The following ITGA7 variants were observed in gnomAD, a reference collection of about 807,000 sequenced individuals.
ITGA7 encodes the protein integrin subunit alpha 7, also known as integrin alpha-7.
A neutral mutation model predicts 131.6 loss-of-function variants in ITGA7; 84 were observed. That is an observed-to-expected ratio of 0.64 (90% CI 0.54 to 0.77). The LOEUF is 0.77. Among genes scored for constraint, ITGA7 ranks in the 30% least tolerant of loss-of-function variants. The pLI is 0.00. For missense variants in ITGA7, 1,399 were observed against 1,482.9 expected (o/e 0.94, Z 0.93); for synonymous variants, 548 against 600.7 (o/e 0.91, Z 1.28).
intron 24 of ITGA7, among the ~76,000 whole-genome samples, chr12:55,686,572 G>A (rs888901368): frequency 4.6e-5 from 7 of 152,200 alleles, no homozygotes; most frequent in Non-Finnish European, 7.3e-5. Flanking sequence ...CCAAAGAGCA[G>A]GCACAGGCAG....
rs141164096 is a variant in ITGA7, at chr12:55,698,868, G to A, written c.840C>T (p.Ser280=). 6.2e-7 allele frequency: 1 copy of A among 1,613,840 alleles called. No individual in the cohort carries two copies. The highest frequency in any genetic ancestry group is 2.2e-5 in the East Asian group (1 of 44,892). Reference sequence around the variant, plus strand: ...TGGCGCGGGGGGCTCCAGCCACAAAGCTCAGCTCTTCTGCACGCACCAGAC... The same window carrying A: ...TGGCGCGGGGGGCTCCAGCCACAAAACTCAGCTCTTCTGCACGCACCAGAC... ...GKGLVRAEEL[S]FVAGAPRANH... The change falls in exon 6 of 25, where the codon AGC becomes AGT. Residue 280 remains serine, a synonymous_variant. Transcript: ENST00000257879.
chr12:55,690,183 C>G (rs1216086641), intron 21 of ITGA7, among the ~76,000 whole-genome samples: 1 of 152,116 alleles, frequency 6.6e-6, no homozygotes, highest in Non-Finnish European at 1.5e-5. Context: ...AGTGAACAGG[C>G]AACCTACAAA....
intron 19 of ITGA7, among the ~76,000 whole-genome samples, chr12:55,693,753 G>C (rs1320739844): frequency 6.6e-6 from 1 of 151,946 alleles, no homozygotes; most frequent in Admixed American, 6.6e-5. Flanking sequence ...CCATCCCCCA[G>C]CTGAGGCCCA....
intron 24 of ITGA7, 55 bp from the exon 25 acceptor site, chr12:55,685,343 G>C: frequency 6.6e-7 from 1 of 1,514,292 alleles, no homozygotes; most frequent in Non-Finnish European, 9.1e-7. Context: ...GGTCCCTGGA[G>C]CAGATGCCTA....
chr12:55,695,975 T>C (rs1872547784), intron 13 of ITGA7, among the ~76,000 whole-genome samples: 1 of 152,070 alleles, frequency 6.6e-6, no homozygotes, highest in Non-Finnish European at 1.5e-5. Context: ...ATAAAAACCA[T>C]GCAAGCAAGG....
At chr12:55,707,111 G>C (rs941063507) in intron 1 of ITGA7, among the ~76,000 whole-genome samples, 1 of 152,198 alleles carries the variant, frequency 6.6e-6, no homozygotes, top group Admixed American at 6.5e-5. Flanking sequence ...ATTCTAAGCA[G>C]AGACAGACAG....
chr12:55,699,996 G>A lies in ITGA7; in HGVS notation c.671-7C>T, dbSNP rs1416156191. On this transcript the variant is annotated splice_region_variant and splice_polypyrimidine_tract_variant and intron_variant, in intron 4 of 24. Coordinates refer to ENST00000257879, the MANE Select transcript of ITGA7 (RefSeq NM_002206.3). ...TTGGTCACAAAAAGCAACCCTGTGG[G>A]GGGTGGGGTGAGACACCAGGGAGGG... 2 of 1,614,052 alleles carry A rather than the reference G, an allele frequency of 1.2e-6. No homozygotes were observed. Among genetic ancestry groups the A allele is most frequent in the African/African-American group, 1.3e-5 (1 of 75,024 alleles).
intron 11 of ITGA7, 73 bp downstream of exon 11, chr12:55,697,143 T>C: frequency 6.3e-7 from 1 of 1,579,208 alleles, no homozygotes. Context: ...AGGGTGCTCT[T>C]CTACCACCTC....
rs1875559285 is a variant in ITGA7, at chr12:55,707,805, A to C, written c.-123T>G. 39 of 1,496,972 alleles carry C rather than the reference A, an allele frequency of 2.6e-5. No homozygotes were observed. Among genetic ancestry groups the C allele is most frequent in the Non-Finnish European group, 3.4e-5 (38 of 1,123,618 alleles). The allele number at this position is 1,496,972 out of a possible 1,614,324, so 92.7% of individuals were successfully genotyped here. A position where few individuals can be genotyped will look rare whatever the true frequency, so the allele number is the denominator to read the frequency against. On this transcript the variant is annotated 5_prime_UTR_variant, in exon 1 of 25. Transcript: ENST00000257879. ...CGTTGGTCTTTCAGACGTCTCCCAG[A>C]CGTTCGCCCCGCCAGCCCTCCCGCC...
At chr12:55,712,209 A>G (rs1317007912), upstream of ITGA7, 4 of 1,551,506 alleles carry the variant, frequency 2.6e-6, no homozygotes, top group Non-Finnish European at 3.5e-6. Context: ...GTCTTTGACG[A>G]TCCAAAAGAA....
rs767249617 is a variant in ITGA7, at chr12:55,698,713, T to C, written c.995A>G (p.Asp332Gly). 1 of 1,613,988 alleles carries C rather than the reference T, an allele frequency of 6.2e-7. No individual in the cohort carries two copies. Among genetic ancestry groups the C allele is most frequent in the Non-Finnish European group, 8.5e-7 (1 of 1,179,966 alleles). The change falls in exon 6 of 25, where the codon GAT (aspartate) becomes GGT (glycine). Residue 332 changes from aspartate (D) to glycine (G), a missense_variant. Coordinates refer to ENST00000257879, the MANE Select transcript of ITGA7 (RefSeq NM_002206.3). ...GCACGGCCCTCTACCCACTCACCCATCACTGTTGAGGTCAGCCACAGCCAG... is the reference window on the plus strand; with the variant it reads ...GCACGGCCCTCTACCCACTCACCCACCACTGTTGAGGTCAGCCACAGCCAG... ...YSLAVADLNS[D>G]GWPDLIVGAP...
At chr12:55,716,121 C>G (rs1248263975), upstream of ITGA7, 8 of 1,609,396 alleles carry the variant, frequency 5.0e-6, no homozygotes, top group Non-Finnish European at 6.8e-6. Flanking sequence ...ACCCAGCCCC[C>G]AGCCCGACGT....
chr12:55,687,641 C>T (rs1870516904), intron 24 of ITGA7, among the ~76,000 whole-genome samples: 1 of 151,872 alleles, frequency 6.6e-6, no homozygotes, highest in Non-Finnish European at 1.5e-5. Flanking sequence ...CAGGTGCGTG[C>T]CACCACGCCC....
chr12:55,692,723 T>C, intron 21 of ITGA7, 121 bp downstream of exon 21: 2 of 1,314,122 alleles, frequency 1.5e-6, no homozygotes, highest in Non-Finnish European at 2.1e-6. Context: ...CCCCCTCCTA[T>C]GAATTGTGAT....
rs946838017 is a variant in ITGA7, at chr12:55,694,003, C to G, written c.2535+18G>C. On this transcript the variant is annotated intron_variant, in intron 19 of 24. Coordinates refer to ENST00000257879, the MANE Select transcript of ITGA7 (RefSeq NM_002206.3). This position sits in a 1 kb window ranked among gnomAD's most constrained non-coding sequence, Gnocchi z 5.3. ...GGAGGGAGGGTGACCATGGAGGGGC[C>G]TCATCCCTGACACTTACCGTGACCT... 4.4e-6 allele frequency: 7 copies of G among 1,597,088 alleles called. No homozygotes were observed. Among genetic ancestry groups the G allele is most frequent in the Non-Finnish European group, 6.0e-6 (7 of 1,166,750 alleles).
Position 55,694,887 on chromosome 12 carries a change from G to A in ITGA7, c.2087C>T (p.Ser696Leu), listed in dbSNP as rs76938320. The A allele has an allele frequency of 2.9e-4, 473 of 1,613,994 alleles. No individual in the cohort carries two copies. The highest frequency in any genetic ancestry group is 3.6e-4 in the Non-Finnish European group (428 of 1,179,980). ...GLELMVTNLP[S>L]DPAQPQADGD... ...ATCAGCCTGGGGCTGGGCTGGGTCC[G>A]ATGGCAGGTTGGTGACCATCAGCTC... The change falls in exon 15 of 25, where the codon TCG becomes TTG. Residue 696 changes from serine to leucine, a missense_variant. Coordinates refer to ENST00000257879, the MANE Select transcript of ITGA7 (RefSeq NM_002206.3). This position sits in a 1 kb window ranked among gnomAD's most constrained non-coding sequence, Gnocchi z 5.3.
At chr12:55,695,012 C>T (rs774369903) in intron 14 of ITGA7, 42 bp from the exon 15 acceptor site, 1 of 1,585,974 alleles carries the variant, frequency 6.3e-7, no homozygotes, top group Non-Finnish European at 8.6e-7. Flanking sequence ...CTGAACACCT[C>T]CCCCTACCAT....
chr12:55,715,712 G>A (rs1291711291), upstream of ITGA7, among the ~76,000 whole-genome samples: 1 of 152,064 alleles, frequency 6.6e-6, no homozygotes. Flanking sequence ...GAAGGAACTG[G>A]GAATCAACTG....
chr12:55,686,396 T>A, intron 24 of ITGA7: 1 of 817,720 alleles, frequency 1.2e-6, no homozygotes, highest in Non-Finnish European at 1.8e-6. Context: ...ATCTCTGCTC[T>A]GTCTTCCTTC....
Sources: gnomAD v4.1 joint callset for allele counts (sites outside exome capture counted in the v4.1 genomes callset) on GRCh38, gnomAD v4.1.1 for gene constraint, Gnocchi (gnomAD v3.1) non-coding constraint, MANE v1.5 for transcripts, NCBI Gene and HGNC (gene_info 2026-07-23, HGNC 2026-07-21) for gene names.